The following FLI1 variants were observed in gnomAD, a reference collection of about 807,000 sequenced individuals.
FLI1 encodes the protein Friend leukemia integration 1 transcription factor.
Under a neutral mutation model 53.1 loss-of-function variants are expected in FLI1, and 13 were observed. The ratio of observed to expected loss-of-function variants is 0.24; its 90% confidence interval spans 0.16 to 0.39. FLI1 has a LOEUF of 0.39. Ranked by LOEUF, FLI1 falls within the 10% of genes least tolerant of loss-of-function variation. FLI1 has a pLI of 1.00. For missense variants in FLI1, 424 were observed against 600.5 expected (o/e 0.71, Z 3.07); for synonymous variants, 244 against 236.7 (o/e 1.03, Z -0.28).
intron 1 of FLI1, among the ~76,000 whole-genome samples, chr11:128,717,047 G>A (rs905015204): frequency 2.6e-5 from 4 of 152,110 alleles, no homozygotes; most frequent in Non-Finnish European, 5.9e-5. Flanking sequence ...ATTTTCCAAG[G>A]TAGGGAGGAA....
intron 1 of FLI1, among the ~76,000 whole-genome samples, chr11:128,727,649 T>G (rs1310749501): frequency 6.6e-6 from 1 of 152,232 alleles, no homozygotes; most frequent in Non-Finnish European, 1.5e-5. Context: ...TTCAGCCACA[T>G]GTGTTCATAA....
chr11:128,810,404 T>C lies in FLI1; in HGVS notation c.830-55T>C. 6.6e-7 allele frequency: 1 copy of C among 1,510,532 alleles called. No individual in the cohort carries two copies. Among genetic ancestry groups the C allele is most frequent in the Non-Finnish European group, 8.9e-7 (1 of 1,127,588 alleles). The allele number at this position is 1,510,532 out of a possible 1,614,324, so 93.6% of individuals were successfully genotyped here. On this transcript the variant is annotated intron_variant, in intron 8 of 8. Coordinates refer to ENST00000527786, the MANE Select transcript of FLI1 (RefSeq NM_002017.5). The surrounding 1 kb of genome is among the most constrained non-coding windows in gnomAD (Gnocchi z 6.6). ...TCCCTGCATTTAGGGAACTGGGTTC[T>C]GCCTTCTCTGGGCTGAGGTGTTCTG...
intron 1 of FLI1, among the ~76,000 whole-genome samples, chr11:128,757,514 C>T (rs776944106): frequency 2.0e-5 from 3 of 152,170 alleles, no homozygotes; most frequent in Non-Finnish European, 4.4e-5. Flanking sequence ...CTCATTTAAT[C>T]CACCTATCGA....
Position 128,761,899 on chromosome 11 carries a change from G to A in FLI1, c.230+3573G>A, listed in dbSNP as rs535107953. 1.6e-3 allele frequency among the ~76,000 whole-genome samples: 236 copies of A among 152,090 alleles called. 1 individual carries two copies. Among genetic ancestry groups the A allele is most frequent in the African/African-American group, 5.2e-3 (217 of 41,478 alleles). On this transcript the variant is annotated intron_variant, in intron 2 of 8. Transcript: ENST00000527786. ...GCTTGTCTTGACCCATACCATCAGC[G>A]GGTAACAAAGTAGGTTCAGAAAGAC...
chr11:128,760,454 A>C (rs373612528), intron 2 of FLI1, among the ~76,000 whole-genome samples: 136 of 151,648 alleles, frequency 9.0e-4, no homozygotes, highest in African/African-American at 3.2e-3. Context: ...ATGCCTCCTA[A>C]ATGGGGCCCT....
chr11:128,765,161 C>A (rs1049427925), intron 2 of FLI1, among the ~76,000 whole-genome samples: 1 of 152,172 alleles, frequency 6.6e-6, no homozygotes, highest in African/African-American at 2.4e-5. Flanking sequence ...AGCAAGAGAG[C>A]CCCCTCCTCC....
At chr11:128,759,170 G>A (rs554585092) in intron 2 of FLI1, among the ~76,000 whole-genome samples, 197 of 152,350 alleles carry the variant, frequency 1.3e-3, no homozygotes, top group Non-Finnish European at 6.5e-4. Flanking sequence ...TTGAAAGACA[G>A]AGAACATCAG....
chr11:128,718,416 C>T (rs187556520), intron 1 of FLI1, among the ~76,000 whole-genome samples: 10 of 150,580 alleles, frequency 6.6e-5, no homozygotes, highest in East Asian at 5.8e-4. Flanking sequence ...AGTGGGGATA[C>T]GGGAATGAGT....
intron 5 of FLI1, among the ~76,000 whole-genome samples, chr11:128,803,594 G>A (rs1384209015): frequency 6.6e-6 from 1 of 152,188 alleles, no homozygotes; most frequent in Non-Finnish European, 1.5e-5. Context: ...CATGACCCGT[G>A]TTTCCTCACA....
chr11:128,694,119 A>G lies in FLI1; in HGVS notation c.-140A>G. On this transcript the variant is annotated 5_prime_UTR_variant, in exon 1 of 9. Transcript: ENST00000527786. The stretch of plus-strand genomic sequence containing the variant: ...CAAACGTGCACAGGGGAGTGAGGGC[A>G]GGGCGCTCGCAGGGGGCACGCAGGG... 1 of 760,888 alleles carries G rather than the reference A, an allele frequency of 1.3e-6. No homozygotes were observed. Among genetic ancestry groups the G allele is most frequent in the Non-Finnish European group, 2.0e-6 (1 of 504,578 alleles). 47.1% of individuals were successfully genotyped at this position (760,888 alleles called of 1,614,324 possible). A position where few individuals can be genotyped will look rare whatever the true frequency, so the allele number is the denominator to read the frequency against.
At chr11:128,702,263 G>A in intron 1 of FLI1, among the ~76,000 whole-genome samples, 1 of 152,140 alleles carries the variant, frequency 6.6e-6, no homozygotes, top group East Asian at 1.9e-4. Flanking sequence ...CAAGAATAAG[G>A]TTTCTATGCT....
chr11:128,773,112 T>G lies in FLI1; in HGVS notation c.589+127T>G, dbSNP rs1055128460. ...CGGAGCAGCATCGTGGGGCCTGTAG[T>G]GTTGCCAAGGTCACGTGGGCTCCTA... On this transcript the variant is annotated intron_variant, in intron 4 of 8. Transcript: ENST00000527786. The G allele has an allele frequency of 1.5e-5, 13 of 852,718 alleles. No individual in the cohort carries two copies. The East Asian group carries it at 2.4e-4, about 16-fold the overall frequency. 52.8% of individuals were successfully genotyped at this position (852,718 alleles called of 1,614,324 possible). A position where few individuals can be genotyped will look rare whatever the true frequency, so the allele number is the denominator to read the frequency against.
intron 1 of FLI1, among the ~76,000 whole-genome samples, chr11:128,718,104 C>A (rs1174306975): frequency 2.0e-5 from 3 of 152,238 alleles, no homozygotes; most frequent in African/African-American, 7.2e-5. Context: ...TTAAATACAG[C>A]ACCAGCAAGA....
At chr11:128,784,921 G>C (rs1265122434) in intron 5 of FLI1, among the ~76,000 whole-genome samples, 1 of 152,220 alleles carries the variant, frequency 6.6e-6, no homozygotes, top group Non-Finnish European at 1.5e-5. Flanking sequence ...AAGGGCAGGT[G>C]CTGGCATCAA....
At chr11:128,727,284 C>G (rs1398636763) in intron 1 of FLI1, among the ~76,000 whole-genome samples, 1 of 152,202 alleles carries the variant, frequency 6.6e-6, no homozygotes, top group African/African-American at 2.4e-5. Context: ...AGATAACTTA[C>G]GCAAAGTCCT....
intron 1 of FLI1, among the ~76,000 whole-genome samples, chr11:128,755,124 G>C (rs1940810860): frequency 6.6e-6 from 1 of 152,106 alleles, no homozygotes; most frequent in Admixed American, 6.6e-5. Context: ...CCCTTGGCCA[G>C]GACAATCCTG....
chr11:128,701,104 C>T (rs1290688096), intron 1 of FLI1, among the ~76,000 whole-genome samples: 1 of 152,182 alleles, frequency 6.6e-6, no homozygotes, highest in Admixed American at 6.5e-5. Context: ...ACCAGCAGTG[C>T]TGTCTTCTGT....
At chr11:128,752,520 C>G (rs1295281808) in intron 1 of FLI1, among the ~76,000 whole-genome samples, 1 of 152,158 alleles carries the variant, frequency 6.6e-6, no homozygotes. Context: ...ACAATAAACA[C>G]CGGAGTTACA....
At chr11:128,723,359 C>T (rs576747471) in intron 1 of FLI1, among the ~76,000 whole-genome samples, 2 of 152,178 alleles carry the variant, frequency 1.3e-5, no homozygotes, top group South Asian at 4.1e-4. Context: ...CATTGTGGTG[C>T]AGGAAGGCCC....
Sources: allele counts gnomAD v4.1 joint callset (sites outside exome capture counted in the v4.1 genomes callset), GRCh38; gene constraint gnomAD v4.1.1; non-coding constraint Gnocchi (gnomAD v3.1); transcripts MANE v1.5; gene names NCBI Gene and HGNC (gene_info 2026-07-23, HGNC 2026-07-21).